MBNL1: variants seen among roughly 807,000 people sequenced by gnomAD.
MBNL1 encodes the protein muscleblind-like protein 1.
In MBNL1, 8 loss-of-function variants were observed where a neutral mutation model predicts 42.2. The observed-to-expected ratio is 0.19, with a 90% CI of 0.11 to 0.34. The LOEUF (loss-of-function observed/expected upper bound fraction) is 0.34. Ranked by LOEUF, MBNL1 falls within the 10% of genes least tolerant of loss-of-function variation. MBNL1 has a pLI of 1.00. For synonymous variants in MBNL1, 169 were observed against 173.9 expected, an observed-to-expected ratio of 0.97 and a Z score of 0.22; for missense variants, 309 against 495.3, an observed-to-expected ratio of 0.62 and a Z score of 3.57.
intron 3 of MBNL1, 60 bp downstream of exon 3, chr3:152,415,171 A>G (rs2098676012): frequency 1.4e-6 from 2 of 1,429,252 alleles, no homozygotes; most frequent in Non-Finnish European, 1.9e-6. Flanking sequence ...CAGTTGTAGT[A>G]CTAAAGTGAT....
intron 1 of MBNL1, among the ~76,000 whole-genome samples, chr3:152,293,467 C>T (rs2057077560): frequency 6.6e-6 from 1 of 152,186 alleles, no homozygotes; most frequent in African/African-American, 2.4e-5. Context: ...ATTGTGTGAG[C>T]AAACTTAGTT....
At chr3:152,273,982 TAAG>T (rs1450043950) in intron 1 of MBNL1, among the ~76,000 whole-genome samples, 2 of 152,196 alleles carry the variant, frequency 1.3e-5, no homozygotes, top group Non-Finnish European at 2.9e-5. Context: ...ATCATACTAT[TAAG>T]AAGAATTGTG....
chr3:152,460,316 G>A (rs1236600576), intron 9 of MBNL1, among the ~76,000 whole-genome samples: 1 of 151,818 alleles, frequency 6.6e-6, no homozygotes, highest in African/African-American at 2.4e-5. Context: ...AAATATATGT[G>A]TACACACAAA....
At chr3:152,317,834 A>G (rs929250016) in intron 2 of MBNL1, among the ~76,000 whole-genome samples, 3 of 152,242 alleles carry the variant, frequency 2.0e-5, no homozygotes, top group Admixed American at 2.0e-4. Context: ...ATTGTAACCT[A>G]AGGACTTTAT....
intron 2 of MBNL1, among the ~76,000 whole-genome samples, chr3:152,365,059 GC>G (rs2096269343): frequency 6.6e-6 from 1 of 151,960 alleles, no homozygotes; most frequent in Non-Finnish European, 1.5e-5. Context: ...ACTGTATAAT[GC>G]CAAACCTTAG....
intron 2 of MBNL1, among the ~76,000 whole-genome samples, chr3:152,331,535 T>C (rs533327548): frequency 3.8e-4 from 58 of 152,266 alleles, no homozygotes; most frequent in African/African-American, 1.4e-3. Context: ...ACTTCACTTA[T>C]TTTGACCTAA....
chr3:152,310,512 A>T (rs1484852779), intron 2 of MBNL1, among the ~76,000 whole-genome samples: 1 of 152,226 alleles, frequency 6.6e-6, no homozygotes, highest in Non-Finnish European at 1.5e-5. Flanking sequence ...AATATAGTAT[A>T]TTGATTATTA....
Position 152,404,395 on chromosome 3 carries a change from A to G in MBNL1, c.175-10546A>G, listed in dbSNP as rs181008569. ...ACATAGGTTGTTGGAAACATATTACATAATATTATACTTTGAAATTTATCA... is the reference window on the plus strand; with the variant it reads ...ACATAGGTTGTTGGAAACATATTACGTAATATTATACTTTGAAATTTATCA... On this transcript the variant is annotated intron_variant, in intron 2 of 9. Coordinates refer to ENST00000324210, the MANE Select transcript of MBNL1 (RefSeq NM_021038.5). 3.0e-3 allele frequency among the ~76,000 whole-genome samples: 457 copies of G among 152,340 alleles called. 1 individual carries two copies. Among genetic ancestry groups the G allele is most frequent in the South Asian group, 0.012 (58 of 4,826 alleles).
chr3:152,265,425 A>AGTGT (rs1350581745), upstream of MBNL1: 3 of 98,626 alleles, frequency 3.0e-5, no homozygotes, highest in African/African-American at 1.1e-4. Flanking sequence ...TGTGTGTGTC[A>AGTGT]GGAAAGACAA....
At chr3:152,403,416 T>G (rs1209525044) in intron 2 of MBNL1, among the ~76,000 whole-genome samples, 1 of 152,242 alleles carries the variant, frequency 6.6e-6, no homozygotes, top group Non-Finnish European at 1.5e-5. Flanking sequence ...CTGTAGATAC[T>G]TGGTACAAGT....
At chr3:152,378,947 C>G (rs2097053556) in intron 2 of MBNL1, among the ~76,000 whole-genome samples, 1 of 152,076 alleles carries the variant, frequency 6.6e-6, no homozygotes, top group African/African-American at 2.4e-5. Flanking sequence ...CACTCCTGGG[C>G]TTAAGTGAGT....
rs1178243234 is a variant in MBNL1 at position 152,464,172 on chromosome 3, A to G, written c.*1806A>G. ...ATTAGATTTTCATTTTCTATTAACAATTGAATACCATTTCAGTTTATAGAC... is the reference window on the plus strand; with the variant it reads ...ATTAGATTTTCATTTTCTATTAACAGTTGAATACCATTTCAGTTTATAGAC... On this transcript the variant is annotated 3_prime_UTR_variant, in exon 10 of 10. Transcript: ENST00000324210. 2 of 152,542 alleles carry G rather than the reference A, an allele frequency of 1.3e-5. No homozygotes were observed. Among genetic ancestry groups the G allele is most frequent in the African/African-American group, 4.8e-5 (2 of 41,586 alleles). 9.4% of individuals were successfully genotyped at this position (152,542 alleles called of 1,614,324 possible). A position where few individuals can be genotyped will look rare whatever the true frequency, so the allele number is the denominator to read the frequency against.
At chr3:152,422,268 C>CAAAAAAA (rs200584264) in intron 3 of MBNL1, among the ~76,000 whole-genome samples, 2 of 103,002 alleles carry the variant, frequency 1.9e-5, no homozygotes, top group Non-Finnish European at 4.0e-5. Context: ...AAATGGAAAG[C>CAAAAAAA]AAAAAAAAAA....
intron 1 of MBNL1, chr3:152,269,729 C>CTT: frequency 4.7e-5 from 9 of 192,056 alleles, no homozygotes; most frequent in South Asian, 1.1e-4. Flanking sequence ...TCTTCTTCTT[C>CTT]TTTTTTTTTT....
intron 2 of MBNL1, among the ~76,000 whole-genome samples, chr3:152,321,269 T>C (rs765805671): frequency 2.0e-5 from 3 of 152,118 alleles, no homozygotes; most frequent in Non-Finnish European, 2.9e-5. Flanking sequence ...AGAGTTAGAA[T>C]AGAGTAATTA....
At chr3:152,427,769 A>T (rs145381049) in intron 3 of MBNL1, among the ~76,000 whole-genome samples, 3 of 150,704 alleles carry the variant, frequency 2.0e-5, no homozygotes, top group South Asian at 2.1e-4. Context: ...TAAAAATTTT[A>T]AAAAATATTT....
At chr3:152,350,887 A>G (rs2152983218) in intron 2 of MBNL1, among the ~76,000 whole-genome samples, 1 of 152,226 alleles carries the variant, frequency 6.6e-6, no homozygotes, top group East Asian at 1.9e-4. Flanking sequence ...GACATGTTTT[A>G]TCCATGCATG....
At chr3:152,278,783 CAGTTAACA>C (rs1477018728) in intron 1 of MBNL1, among the ~76,000 whole-genome samples, 7 of 152,082 alleles carry the variant, frequency 4.6e-5, no homozygotes, top group African/African-American at 1.7e-4. Context: ...GCTAAATAAT[CAGTTAACA>C]AACATATTCT....
At chr3:152,441,016 A>C (rs2099138818) in intron 4 of MBNL1, among the ~76,000 whole-genome samples, 1 of 152,218 alleles carries the variant, frequency 6.6e-6, no homozygotes, top group East Asian at 1.9e-4. Flanking sequence ...CAAAATGTTA[A>C]AATGGACAAA....
Sources: gnomAD v4.1 joint callset for allele counts (sites outside exome capture counted in the v4.1 genomes callset) on GRCh38, gnomAD v4.1.1 for gene constraint, MANE v1.5 for transcripts, NCBI Gene and HGNC (gene_info 2026-07-23, HGNC 2026-07-21) for gene names.